Variants in SNTG2 observed in about 807,000 individuals in gnomAD.
The protein encoded by SNTG2 is gamma-2-syntrophin.
A neutral mutation model predicts 70.9 loss-of-function variants in SNTG2; 74 were observed. The ratio of observed to expected loss-of-function variants is 1.04; its 90% CI spans 0.86 to 1.27. SNTG2 has a LOEUF of 1.27. Among genes scored for constraint, SNTG2 ranks in the 50% most tolerant of loss-of-function variants. SNTG2 has a pLI of 0.00. For missense variants in SNTG2, 717 were observed against 690.7 expected (o/e 1.04, Z -0.43); for synonymous variants, 278 against 273.8 (o/e 1.02, Z -0.15).
At chr2:1,321,829 A>G (rs932861818) in intron 16 of SNTG2, among the ~76,000 whole-genome samples, 1 of 152,132 alleles carries the variant, frequency 6.6e-6, no homozygotes, top group Non-Finnish European at 1.5e-5. Flanking sequence ...TAAAATTCTC[A>G]TCTCAAGAAA....
intron 6 of SNTG2, among the ~76,000 whole-genome samples, chr2:1,156,402 A>G (rs62106019): frequency 0.08 from 12,157 of 152,140 alleles, 748 homozygotes; most frequent in South Asian, 0.2. Flanking sequence ...GTGAACTGAG[A>G]GCTGTGATCA....
In SNTG2 at chr2:1,137,669, A is replaced by G. The variant is rs1205760084; in HGVS notation, c.369+4A>G. On this transcript the variant is annotated splice_donor_region_variant and intron_variant, in intron 5 of 16. Coordinates refer to ENST00000308624, the MANE Select transcript of SNTG2 (RefSeq NM_018968.4). The stretch of plus-strand genomic sequence containing the variant: ...CGTAGGAGATGCTGTTCTCCAGGTC[A>G]GTATTGTACACGTTAATCCTTAACT... 1.9e-6 allele frequency: 3 copies of G among 1,613,470 alleles called. No individual in the cohort carries two copies. Among genetic ancestry groups the G allele is most frequent in the Admixed American group, 1.7e-5 (1 of 59,854 alleles).
chr2:1,224,793 C>T (rs1675657431), intron 9 of SNTG2, among the ~76,000 whole-genome samples: 1 of 152,218 alleles, frequency 6.6e-6, no homozygotes, highest in African/African-American at 2.4e-5. Flanking sequence ...CGGGGCTCGC[C>T]TCACTCTATG....
intron 9 of SNTG2, among the ~76,000 whole-genome samples, chr2:1,235,383 G>T (rs57593120): frequency 1.4e-5 from 1 of 70,328 alleles, no homozygotes; most frequent in Non-Finnish European, 2.6e-5. Context: ...GGGGACCCCT[G>T]CCCCACGCTG....
chr2:1,290,806 G>A (rs1385130499), intron 14 of SNTG2, among the ~76,000 whole-genome samples: 2 of 148,384 alleles, frequency 1.3e-5, no homozygotes, highest in African/African-American at 2.4e-5. Context: ...ATCAATGGGT[G>A]TACAAATCAT....
intron 16 of SNTG2, among the ~76,000 whole-genome samples, chr2:1,352,814 C>T (rs1473570939): frequency 6.6e-6 from 1 of 152,140 alleles, no homozygotes; most frequent in Non-Finnish European, 1.5e-5. Context: ...ACTGTATCAC[C>T]TACATTTTAT....
intron 1 of SNTG2, among the ~76,000 whole-genome samples, chr2:1,080,815 T>C (rs1447216208): frequency 6.6e-6 from 1 of 151,828 alleles, no homozygotes; most frequent in Non-Finnish European, 1.5e-5. Flanking sequence ...GCTTCCTGGG[T>C]GGTGGCATGA....
intron 14 of SNTG2, among the ~76,000 whole-genome samples, chr2:1,279,891 A>G (rs1365894619): frequency 6.6e-6 from 1 of 152,234 alleles, no homozygotes. Flanking sequence ...TAAAATTCAT[A>G]AGTGGCTGGG....
chr2:1,039,039 A>C (rs922336050), intron 1 of SNTG2, among the ~76,000 whole-genome samples: 2 of 152,206 alleles, frequency 1.3e-5, no homozygotes, highest in African/African-American at 4.8e-5. Context: ...AGTGTGCATA[A>C]AGCTCCCACA....
chr2:1,309,448 T>G (rs59675517), intron 15 of SNTG2, among the ~76,000 whole-genome samples: 54,554 of 152,186 alleles, frequency 0.36, 10,197 homozygotes, highest in African/African-American at 0.46. Context: ...CTAGGCAGGG[T>G]CTCCCAAACT....
intron 11 of SNTG2, among the ~76,000 whole-genome samples, chr2:1,246,802 G>T (rs550454710): frequency 1.3e-5 from 2 of 152,064 alleles, no homozygotes; most frequent in African/African-American, 4.8e-5. Context: ...ATTTTGATAG[G>T]TTGGATTTTA....
chr2:1,029,768 T>C (rs1234477421), intron 1 of SNTG2, among the ~76,000 whole-genome samples: 4 of 152,188 alleles, frequency 2.6e-5, no homozygotes, highest in Admixed American at 1.3e-4. Flanking sequence ...TTCTTAGACC[T>C]TGATGCATGT....
At chr2:1,123,943 G>A (rs13430002) in intron 4 of SNTG2, among the ~76,000 whole-genome samples, 70,886 of 151,996 alleles carry the variant, frequency 0.47, 17,490 homozygotes, top group East Asian at 0.66. Context: ...ACTCATGGAA[G>A]CAGAGAGTAG....
chr2:1,281,421 G>A (rs62108102), intron 14 of SNTG2, among the ~76,000 whole-genome samples: 1,367 of 54,466 alleles, frequency 0.025, no homozygotes, highest in Middle Eastern at 0.054. Context: ...GTGTGTGTGT[G>A]TGTGGTGTGG....
intron 1 of SNTG2, among the ~76,000 whole-genome samples, chr2:1,078,910 G>A (rs1174441782): frequency 1.3e-5 from 2 of 152,180 alleles, no homozygotes; most frequent in East Asian, 1.9e-4. Flanking sequence ...GGGTGATGCC[G>A]TTGCCACCCA....
chr2:1,272,226 A>AC (rs1207118363), intron 14 of SNTG2, among the ~76,000 whole-genome samples: 1 of 126,248 alleles, frequency 7.9e-6, no homozygotes, highest in Non-Finnish European at 2.0e-5. Context: ...GTGTTCCTGC[A>AC]ACTAGACGGT....
chr2:1,263,081 T>C (rs574792438), intron 13 of SNTG2: 7 of 152,372 alleles, frequency 4.6e-5, no homozygotes, highest in African/African-American at 1.7e-4. Context: ...AAACAATCCC[T>C]TGCTTGATCA....
At chr2:1,214,340 G>T (rs1558539233) in intron 9 of SNTG2, among the ~76,000 whole-genome samples, 1 of 152,106 alleles carries the variant, frequency 6.6e-6, no homozygotes, top group Non-Finnish European at 1.5e-5. Context: ...ATTTTAAGTA[G>T]TATGGTATCT....
intron 1 of SNTG2, among the ~76,000 whole-genome samples, chr2:1,049,863 G>T (rs1217605788): frequency 1.3e-5 from 2 of 152,154 alleles, no homozygotes; most frequent in East Asian, 3.8e-4. Flanking sequence ...GAATCCCATT[G>T]CTGTTTTAAC....
Sources: gnomAD v4.1 joint callset for allele counts (sites outside exome capture counted in the v4.1 genomes callset) on GRCh38, gnomAD v4.1.1 for gene constraint, MANE v1.5 for transcripts, NCBI Gene and HGNC (gene_info 2026-07-23, HGNC 2026-07-21) for gene names.